Variants in GRIN2A observed in about 807,000 individuals in gnomAD.
The protein encoded by GRIN2A is glutamate receptor ionotropic, NMDA 2A.
Under a neutral mutation model 113.4 loss-of-function variants are expected in GRIN2A, and 22 were observed. The ratio of observed to expected loss-of-function variants is 0.19; its 90% CI spans 0.14 to 0.28. The LOEUF (loss-of-function observed/expected upper bound fraction) is 0.28. GRIN2A is among the 10% of genes least tolerant of loss of function. GRIN2A has a pLI of 1.00. For missense variants in GRIN2A, 1,502 were observed against 1,887.0 expected (o/e 0.80, Z 3.78); for synonymous variants, 827 against 738.4 (o/e 1.12, Z -1.94).
chr16:9,870,830 G>A (rs866852994), intron 4 of GRIN2A, among the ~76,000 whole-genome samples: 1 of 151,926 alleles, frequency 6.6e-6, no homozygotes, highest in African/African-American at 2.4e-5. Context: ...TAGAGACAGG[G>A]TTTCACTGTG....
chr16:10,076,130 G>A (rs72774150), intron 2 of GRIN2A, among the ~76,000 whole-genome samples: 14,474 of 152,188 alleles, frequency 0.095, 767 homozygotes, highest in African/African-American at 0.11. Context: ...CATTCTCCCA[G>A]CCCAGCACCT....
At position 9,977,979 on chromosome 16, in the gene GRIN2A, GAGA is replaced by G. The variant is rs1273748113; in HGVS notation, c.415-39431_415-39429del. ...GGCAAGAACAAGACAGCTGTGGTTTGAGAAGAAGGCACTAGACTTGGAGTTAGA... is the reference window on the plus strand; with the variant it reads ...GGCAAGAACAAGACAGCTGTGGTTTGAGAAGGCACTAGACTTGGAGTTAGA... On this transcript the variant is annotated intron_variant, in intron 2 of 12. Transcript: ENST00000330684. Among the ~76,000 whole-genome samples the G allele has an allele frequency of 3.3e-5, 5 of 152,238 alleles. No homozygotes were observed. The East Asian group carries it at 9.6e-4, about 29-fold the overall frequency.
chr16:10,055,204 A>G (rs190429698), intron 2 of GRIN2A, among the ~76,000 whole-genome samples: 1 of 151,910 alleles, frequency 6.6e-6, no homozygotes, highest in Non-Finnish European at 1.5e-5. Context: ...GCATGTACAT[A>G]TAGAAAAACA....
chr16:9,903,217 C>G (rs2043967543), intron 3 of GRIN2A, among the ~76,000 whole-genome samples: 2 of 152,068 alleles, frequency 1.3e-5, no homozygotes, highest in African/African-American at 2.4e-5. Context: ...GATCCGCCAC[C>G]TCGGCCTCCC....
chr16:9,811,426 G>T (rs1170856984), intron 10 of GRIN2A, among the ~76,000 whole-genome samples: 1 of 152,186 alleles, frequency 6.6e-6, no homozygotes, highest in Non-Finnish European at 1.5e-5. Context: ...AGGAAATGAG[G>T]TCACATGTTT....
chr16:9,761,934 A>G lies in GRIN2A; in HGVS notation c.*1215T>C. 1 of 205,790 alleles carries G rather than the reference A, an allele frequency of 4.9e-6. No individual in the cohort carries two copies. The highest frequency in any genetic ancestry group is 9.9e-6 in the Non-Finnish European group (1 of 100,704). The allele number at this position is 205,790 out of a possible 1,614,324, so 12.7% of individuals were successfully genotyped here. On this transcript the variant is annotated 3_prime_UTR_variant, in exon 13 of 13. Transcript: ENST00000330684. Reference sequence around the variant, plus strand: ...TGTATCCACAGTTTGGAGGATACTCAGGGTAGATCCAAGAGTGCCTCGTGT... The same window carrying G: ...TGTATCCACAGTTTGGAGGATACTCGGGGTAGATCCAAGAGTGCCTCGTGT...
At chr16:9,953,921 C>T (rs762612916) in intron 2 of GRIN2A, among the ~76,000 whole-genome samples, 7 of 152,106 alleles carry the variant, frequency 4.6e-5, no homozygotes, top group Admixed American at 2.6e-4. Flanking sequence ...CAGTGGAGGA[C>T]GTTCCAACAC....
At chr16:9,964,207 T>C (rs2045505638) in intron 2 of GRIN2A, among the ~76,000 whole-genome samples, 1 of 152,212 alleles carries the variant, frequency 6.6e-6, no homozygotes, top group Admixed American at 6.5e-5. Flanking sequence ...AATCGTCAAA[T>C]ATCCAAATGG....
chr16:9,886,404 T>G (rs1171130529), intron 4 of GRIN2A, among the ~76,000 whole-genome samples: 1 of 152,142 alleles, frequency 6.6e-6, no homozygotes, highest in Admixed American at 6.5e-5. Context: ...AAGTCCCAAA[T>G]GCATGAAGGA....
chr16:10,047,044 T>C (rs2047272645), intron 2 of GRIN2A, among the ~76,000 whole-genome samples: 1 of 152,196 alleles, frequency 6.6e-6, no homozygotes, highest in Non-Finnish European at 1.5e-5. Context: ...AGTACTCACC[T>C]TCACTCATGA....
intron 11 of GRIN2A, among the ~76,000 whole-genome samples, chr16:9,783,929 T>C (rs1902069065): frequency 6.6e-6 from 1 of 151,858 alleles, no homozygotes; most frequent in African/African-American, 2.4e-5. Flanking sequence ...TGAGAACACA[T>C]AGACATATAG....
Position 9,761,474 on chromosome 16 carries a change from AT to A in GRIN2A, c.*1674del, listed in dbSNP as rs1900579580. ...CTTCTGCAAACACTGATGGCTAGTT[AT>A]CCCAAATACTTCAAAAATATTCATG... is the stretch of plus-strand genomic sequence containing the variant. On this transcript the variant is annotated 3_prime_UTR_variant, in exon 13 of 13. Coordinates refer to ENST00000330684, the MANE Select transcript of GRIN2A (RefSeq NM_001134407.3). 4.3e-6 allele frequency: 1 copy of A among 230,800 alleles called. No individual in the cohort carries two copies. Among genetic ancestry groups the A allele is most frequent in the Non-Finnish European group, 8.6e-6 (1 of 116,620 alleles). 14.3% of individuals were successfully genotyped at this position (230,800 alleles called of 1,614,324 possible).
chr16:10,155,137 G>A (rs915258689), intron 2 of GRIN2A, among the ~76,000 whole-genome samples: 1 of 152,144 alleles, frequency 6.6e-6, no homozygotes, highest in Non-Finnish European at 1.5e-5. Flanking sequence ...ATTCCTCAGA[G>A]CCCTCTTTGG....
At chr16:9,801,658 A>C (rs996725976) in intron 10 of GRIN2A, among the ~76,000 whole-genome samples, 18 of 152,224 alleles carry the variant, frequency 1.2e-4, no homozygotes, top group Admixed American at 1.1e-3. Context: ...TTGGGAACAA[A>C]GTTTATAAAA....
intron 2 of GRIN2A, among the ~76,000 whole-genome samples, chr16:10,144,326 T>C (rs2049387500): frequency 6.6e-6 from 1 of 152,200 alleles, no homozygotes; most frequent in South Asian, 2.1e-4. Flanking sequence ...TTATCTTTGG[T>C]CATTTTTATA....
intron 3 of GRIN2A, among the ~76,000 whole-genome samples, chr16:9,907,922 G>A (rs977999970): frequency 2.0e-5 from 3 of 152,140 alleles, no homozygotes; most frequent in Non-Finnish European, 4.4e-5. Flanking sequence ...CCCTCGCTGC[G>A]TGCCCTCACC....
intron 2 of GRIN2A, among the ~76,000 whole-genome samples, chr16:10,026,649 G>A (rs187640634): frequency 1.3e-5 from 2 of 152,240 alleles, no homozygotes; most frequent in Non-Finnish European, 2.9e-5. Context: ...GGGGGGCACT[G>A]CAGAGAACAA....
At chr16:9,921,073 C>T (rs2044349796) in intron 3 of GRIN2A, among the ~76,000 whole-genome samples, 2 of 152,096 alleles carry the variant, frequency 1.3e-5, no homozygotes, top group Admixed American at 1.3e-4. Flanking sequence ...TGCATTTGAG[C>T]TTTTGACGAT....
intron 3 of GRIN2A, among the ~76,000 whole-genome samples, chr16:9,914,963 A>G (rs111524243): frequency 0.02 from 1,912 of 94,338 alleles, 29 homozygotes; most frequent in Admixed American, 0.03. Flanking sequence ...ATGAGACGGA[A>G]TCTCACTCTT....
Sources: gnomAD v4.1 joint callset for allele counts (sites outside exome capture counted in the v4.1 genomes callset) on GRCh38, gnomAD v4.1.1 for gene constraint, MANE v1.5 for transcripts, NCBI Gene and HGNC (gene_info 2026-07-23, HGNC 2026-07-21) for gene names.